BEND2: variants seen among roughly 807,000 people sequenced by gnomAD.
BEND2 encodes BEN domain containing 2.
A neutral mutation model predicts 43.8 loss-of-function variants in BEND2; 19 were observed. That is an observed-to-expected ratio of 0.43 (90% CI 0.30 to 0.64). BEND2 has a LOEUF of 0.64. Ranked by LOEUF, BEND2 falls within the 30% of genes least tolerant of loss-of-function variation. The pLI, the probability that BEND2 is intolerant of heterozygous loss-of-function variation, is 0.11. For synonymous variants in BEND2, 226 were observed against 210.1 expected (o/e 1.08, Z -0.66); for missense variants, 544 against 574.0 (o/e 0.95, Z 0.53).
chrX:18,209,622 T>A (rs1436794342), intron 4 of BEND2, among the ~76,000 whole-genome samples: 1 of 111,780 alleles, frequency 8.9e-6, no homozygotes, highest in Non-Finnish European at 1.9e-5. Context: ...AGAGAAAGTA[T>A]CAGACACACC....
chrX:18,184,208 G>A (rs765138919), intron 8 of BEND2, among the ~76,000 whole-genome samples: 20 of 111,555 alleles, frequency 1.8e-4, no homozygotes, highest in Admixed American at 1.3e-3. Context: ...GAGCCCAGGC[G>A]CAGTGGCTCA....
Position 18,164,880 on chromosome X carries a change from G to T in BEND2, c.*129C>A. ...CCTTTATGAGCAGAAAAAGAGGTTT[G>T]GCGATTACTACAGGTGTCAATGCAA... On this transcript the variant is annotated 3_prime_UTR_variant, in exon 14 of 14. Coordinates refer to ENST00000380033, the MANE Select transcript of BEND2 (RefSeq NM_153346.5). 1 of 628,320 alleles carries T rather than the reference G, an allele frequency of 1.6e-6. No homozygotes were observed. The highest frequency in any genetic ancestry group is 2.4e-6 in the Non-Finnish European group (1 of 414,663). The allele number at this position is 628,320 out of a possible 1,213,427, so 51.8% of individuals were successfully genotyped here.
chrX:18,169,494 T>C (rs1288220542), intron 13 of BEND2, among the ~76,000 whole-genome samples: 1 of 112,007 alleles, frequency 8.9e-6, no homozygotes, highest in Admixed American at 9.5e-5. Flanking sequence ...TTTACAAAAA[T>C]CATATTAGGG....
At chrX:18,214,549 C>T (rs1487830637) in intron 2 of BEND2, among the ~76,000 whole-genome samples, 4 of 110,539 alleles carry the variant, frequency 3.6e-5, no homozygotes, top group East Asian at 2.8e-4. Flanking sequence ...TATGGCCGGG[C>T]GTGGTGGCTC....
rs765678733 is a variant in BEND2, at chrX:18,201,931, T to C, written c.917A>G (p.Glu306Gly). The change falls in exon 6 of 14, where the codon GAA (glutamate) becomes GGA (glycine). Residue 306 changes from glutamate to glycine, a missense_variant. By Grantham distance (98) the Glu-to-Gly change is moderately conservative (BLOSUM62 -2). Around this residue, in one of 2 missense-constraint regions of BEND2, gnomAD observed 501 missense variants for 501.6 expected, o/e 1.00. Transcript: ENST00000380033. ...FCFHPNLEMP[E>G]RPANSSKNST... is the part of the protein sequence containing the mutation. ...GTTTTTACTGCTGTTTGCTGGTCTT[T>C]CTGGCATTTCTGTAAATAAAAAGTT... 1.1e-5 allele frequency: 13 copies of C among 1,206,820 alleles called. No individual in the cohort carries two copies. The Admixed American group carries it at 2.7e-4, about 25-fold the overall frequency.
At chrX:18,206,909 C>G (rs2147429075) in intron 4 of BEND2, among the ~76,000 whole-genome samples, 1 of 111,853 alleles carries the variant, frequency 8.9e-6, no homozygotes, top group South Asian at 3.7e-4. Flanking sequence ...TGCAGCGCCA[C>G]CCCTGTGATC....
rs1367852599 is a variant in BEND2, at chrX:18,184,448, C to T, written c.1289-3798G>A. ...AGTGAGCAGAGATCACACCACTGCA[C>T]TCCAGCCTGGGCAACAGAATGAGAC... On this transcript the variant is annotated intron_variant, in intron 8 of 13. Transcript: ENST00000380033. Among the ~76,000 whole-genome samples the T allele has an allele frequency of 7.1e-5, 8 of 112,087 alleles. No homozygotes were observed. In the Admixed American group the frequency reaches 7.5e-4, roughly 11 times the overall value.
intron 7 of BEND2, among the ~76,000 whole-genome samples, chrX:18,194,121 G>T (rs1924864120): frequency 9.0e-6 from 1 of 111,535 alleles, no homozygotes; most frequent in Non-Finnish European, 1.9e-5. Context: ...AAAGAATGAT[G>T]GAAAGATCAG....
chrX:18,197,097 A>G (rs1049887484), intron 6 of BEND2, among the ~76,000 whole-genome samples: 4 of 112,373 alleles, frequency 3.6e-5, no homozygotes, highest in African/African-American at 1.3e-4. Flanking sequence ...AAAGGGGATC[A>G]TTTCTATTAT....
Position 18,220,216 on chromosome X carries a change from G to T in BEND2, c.25+510C>A, listed in dbSNP as rs930552139. On this transcript the variant is annotated intron_variant, in intron 1 of 13. Coordinates refer to ENST00000380033, the MANE Select transcript of BEND2 (RefSeq NM_153346.5). ...GCCGCTATGCCAAAACGCTGAACAG[G>T]GCTGTGTTCCGCGGCTGCCCACCAG... Among the ~76,000 whole-genome samples the T allele has an allele frequency of 4.4e-5, 5 of 112,383 alleles. No individual in the cohort carries two copies. In the East Asian group the frequency reaches 1.4e-3, roughly 32 times the overall value.
At position 18,164,971 on chromosome X, in the gene BEND2, A is replaced by G. The variant is rs780566873; in HGVS notation, c.*38T>C. The G allele has an allele frequency of 2.6e-6, 3 of 1,151,009 alleles. No individual in the cohort carries two copies. Among genetic ancestry groups the G allele is most frequent in the South Asian group, 3.9e-5 (2 of 51,922 alleles). 94.9% of individuals were successfully genotyped at this position (1,151,009 alleles called of 1,213,427 possible). ...CTTGAGAAACTTACAAAATAGTCTT[A>G]ACAGTTAAAAAAAAAAAAAAAGTTT... On this transcript the variant is annotated 3_prime_UTR_variant, in exon 14 of 14. Coordinates refer to ENST00000380033, the MANE Select transcript of BEND2 (RefSeq NM_153346.5).
At chrX:18,205,069 T>G (rs984834377) in intron 4 of BEND2, among the ~76,000 whole-genome samples, 1 of 110,388 alleles carries the variant, frequency 9.1e-6, no homozygotes, top group Admixed American at 9.7e-5. Context: ...TGAGTACACA[T>G]CCCCTACGTG....
chrX:18,200,075 G>A (rs1925090570), intron 6 of BEND2, among the ~76,000 whole-genome samples: 1 of 111,635 alleles, frequency 9.0e-6, no homozygotes, highest in Non-Finnish European at 1.9e-5. Context: ...AGAAAAACCT[G>A]TTCATGACTG....
Position 18,171,003 on chromosome X carries a change from C to T in BEND2, c.2183G>A (p.Arg728Gln), listed in dbSNP as rs1366859789. The change falls in exon 13 of 14, where the codon CGA becomes CAA. Residue 728 changes from arginine to glutamine, a missense_variant and splice_region_variant. Arg to Gln is a conservative substitution (Grantham distance 43, BLOSUM62 1). This residue lies in a region of BEND2 where 43 missense variants were observed against 72.4 expected (regional missense o/e 0.59). Transcript: ENST00000380033. ...GACATACTCTATGTGTAACAAACCT[C>T]GGAGAGCACTAATCTTATTGGGGTC... ...ALDPNKISAL[R>Q]EFLQENYPIC... 5.8e-6 allele frequency: 7 copies of T among 1,207,968 alleles called. No individual in the cohort carries two copies. The highest frequency in any genetic ancestry group is 1.7e-5 in the African/African-American group (1 of 57,870).
At chrX:18,209,667 G>C (rs5909168) in intron 4 of BEND2, among the ~76,000 whole-genome samples, 2 of 110,255 alleles carry the variant, frequency 1.8e-5, no homozygotes, top group East Asian at 5.6e-4. Flanking sequence ...ACTGAGCAGT[G>C]GTCATCAATA....
intron 9 of BEND2, among the ~76,000 whole-genome samples, chrX:18,179,643 T>C (rs976537833): frequency 4.4e-5 from 5 of 112,377 alleles, no homozygotes; most frequent in African/African-American, 1.6e-4. Context: ...CTGAGGCTGC[T>C]CTTATCTTAC....
intron 3 of BEND2, 73 bp from the exon 4 acceptor site, chrX:18,212,753 G>A: frequency 1.5e-6 from 1 of 655,402 alleles, no homozygotes; most frequent in East Asian, 3.4e-5. Flanking sequence ...TATGCTCTCA[G>A]AATGCTAACT....
At chrX:18,193,727 G>C (rs1422077591) in intron 7 of BEND2, among the ~76,000 whole-genome samples, 2 of 111,967 alleles carry the variant, frequency 1.8e-5, no homozygotes, top group Non-Finnish European at 3.8e-5. Flanking sequence ...AGATTAGACA[G>C]TGCTACTAAT....
intron 1 of BEND2, 143 bp downstream of exon 1, chrX:18,220,583 C>T: frequency 1.1e-6 from 1 of 889,362 alleles, no homozygotes; most frequent in South Asian, 2.2e-5. Context: ...TGGCCAATAC[C>T]CAGAGGCCGC....
Sources: gnomAD v4.1 joint callset for allele counts (sites outside exome capture counted in the v4.1 genomes callset) on GRCh38, gnomAD v4.1.1 for gene constraint, gnomAD v4.1.1 regional missense constraint, MANE v1.5 for transcripts, NCBI Gene and HGNC (gene_info 2026-07-23, HGNC 2026-07-21) for gene names.